Variants in MDGA2 observed in about 807,000 individuals in gnomAD.
MDGA2 encodes MAM domain-containing glycosylphosphatidylinositol anchor protein 2.
Under a neutral mutation model 117.8 loss-of-function variants are expected in MDGA2, and 40 were observed. The ratio of observed to expected loss-of-function variants is 0.34; its 90% CI spans 0.26 to 0.44. The LOEUF (loss-of-function observed/expected upper bound fraction) is 0.44, where lower values mean the gene tolerates loss of function less well. Among genes scored for constraint, MDGA2 ranks in the 20% least tolerant of loss-of-function variants. MDGA2 has a pLI of 1.00. For missense variants in MDGA2, 1,123 were observed against 1,250.6 expected (o/e 0.90, Z 1.54); for synonymous variants, 452 against 439.0 (o/e 1.03, Z -0.37).
Position 47,035,284 on chromosome 14 carries a change from G to C in MDGA2, c.1546C>G (p.Pro516Ala). 1 of 1,613,514 alleles carries C rather than the reference G, an allele frequency of 6.2e-7. No individual in the cohort carries two copies. Among genetic ancestry groups the C allele is most frequent in the East Asian group, 2.2e-5 (1 of 44,854 alleles). The part of the protein sequence containing the change: ...SSTVPPNLTV[P>A]QEKSPLVTRE... Reference sequence around the variant, plus strand: ...GTGACCAATGGTGATTTTTCCTGTGGAACAGTCAGATTGGGTGGAACTTGA... The same window carrying C: ...GTGACCAATGGTGATTTTTCCTGTGCAACAGTCAGATTGGGTGGAACTTGA... The change falls in exon 8 of 17, where the codon CCA (proline) becomes GCA (alanine). Residue 516 changes from proline (P) to alanine (A), a missense_variant. Physicochemically the swap from Pro to Ala is conservative, Grantham distance 27. Transcript: ENST00000399232.
intron 8 of MDGA2, among the ~76,000 whole-genome samples, chr14:47,016,620 T>C (rs573502882): frequency 2.6e-5 from 4 of 152,186 alleles, no homozygotes; most frequent in African/African-American, 9.6e-5. Context: ...CCATCATTAT[T>C]ACTCTACTAA....
At chr14:47,584,178 T>C (rs927697399) in intron 1 of MDGA2, among the ~76,000 whole-genome samples, 3 of 152,024 alleles carry the variant, frequency 2.0e-5, no homozygotes, top group East Asian at 1.9e-4. Flanking sequence ...CACTCACCCA[T>C]TGAACAAGCA....
At chr14:46,909,759 C>A (rs1404119265) in intron 10 of MDGA2, among the ~76,000 whole-genome samples, 1 of 152,034 alleles carries the variant, frequency 6.6e-6, no homozygotes, top group Non-Finnish European at 1.5e-5. Flanking sequence ...ACACATATAT[C>A]TTCAAAATCA....
intron 2 of MDGA2, among the ~76,000 whole-genome samples, chr14:47,250,456 T>TA (rs1350884757): frequency 5.3e-5 from 8 of 152,234 alleles, no homozygotes; most frequent in Non-Finnish European, 1.2e-4. Flanking sequence ...GTCATATGTA[T>TA]AAACGTAATT....
At chr14:46,963,280 A>G (rs1885882464) in intron 8 of MDGA2, among the ~76,000 whole-genome samples, 1 of 152,198 alleles carries the variant, frequency 6.6e-6, no homozygotes, top group East Asian at 1.9e-4. Context: ...TCTCACATGG[A>G]CTACAACAAA....
intron 1 of MDGA2, among the ~76,000 whole-genome samples, chr14:47,516,594 C>T (rs1402192194): frequency 6.6e-6 from 1 of 152,020 alleles, no homozygotes; most frequent in Non-Finnish European, 1.5e-5. Context: ...GTAATCTCAC[C>T]ATCTTTTTAA....
At chr14:47,170,950 G>A (rs1365283825) in intron 3 of MDGA2, among the ~76,000 whole-genome samples, 1 of 152,116 alleles carries the variant, frequency 6.6e-6, no homozygotes, top group Admixed American at 6.5e-5. Context: ...GTGGTTTATA[G>A]AGCATCTTCT....
At chr14:47,016,738 A>C (rs1379269280) in intron 8 of MDGA2, among the ~76,000 whole-genome samples, 1 of 152,014 alleles carries the variant, frequency 6.6e-6, no homozygotes, top group Non-Finnish European at 1.5e-5. Context: ...TTTTAAAGCA[A>C]AGTTTATTAT....
At chr14:47,476,003 A>T (rs930071174) in intron 1 of MDGA2, among the ~76,000 whole-genome samples, 3 of 152,240 alleles carry the variant, frequency 2.0e-5, no homozygotes, top group Non-Finnish European at 4.4e-5. Flanking sequence ...CTGGAACTTA[A>T]AAGTTTAAGA....
At position 46,840,270 on chromosome 14, in the gene MDGA2, T is replaced by C. The variant is rs1880553899; in HGVS notation, c.*1661A>G. On this transcript the variant is annotated 3_prime_UTR_variant, in exon 17 of 17. Transcript: ENST00000399232. ...TGCAAATGCTATAATTTAATACTTA[T>C]ATTCCAATTGCTTGCATAATCAGTT... The C allele has an allele frequency of 1.3e-5, 2 of 152,514 alleles. No individual in the cohort carries two copies. The highest frequency in any genetic ancestry group is 2.1e-4 in the South Asian group (1 of 4,832). The allele number at this position is 152,514 out of a possible 1,614,324, so 9.4% of individuals were successfully genotyped here.
At chr14:47,439,670 C>T (rs940754929) in intron 1 of MDGA2, among the ~76,000 whole-genome samples, 1 of 151,876 alleles carries the variant, frequency 6.6e-6, no homozygotes. Flanking sequence ...GGGATAATGA[C>T]CGACTAAATT....
chr14:47,404,422 G>A (rs916382536), intron 1 of MDGA2, among the ~76,000 whole-genome samples: 3 of 151,816 alleles, frequency 2.0e-5, no homozygotes, highest in African/African-American at 7.3e-5. Context: ...CTGACCTCAA[G>A]TGATCCGCCT....
At chr14:47,007,760 A>G (rs1887762127) in intron 8 of MDGA2, among the ~76,000 whole-genome samples, 1 of 151,742 alleles carries the variant, frequency 6.6e-6, no homozygotes, top group African/African-American at 2.4e-5. Flanking sequence ...CTTGTCCCTC[A>G]ATTATCTGTT....
At chr14:46,931,098 C>T (rs1222586684) in intron 9 of MDGA2, among the ~76,000 whole-genome samples, 1 of 151,334 alleles carries the variant, frequency 6.6e-6, no homozygotes, top group East Asian at 2.0e-4. Flanking sequence ...ACCTGTAATC[C>T]CAGCTACCCA....
intron 7 of MDGA2, among the ~76,000 whole-genome samples, chr14:47,038,792 A>G (rs1566587143): frequency 6.6e-6 from 1 of 151,562 alleles, no homozygotes; most frequent in Admixed American, 6.6e-5. Context: ...AAAAAAAAAA[A>G]TTAGTCGGGC....
chr14:47,232,227 A>G (rs543382116), intron 2 of MDGA2, among the ~76,000 whole-genome samples: 1 of 152,226 alleles, frequency 6.6e-6, no homozygotes, highest in South Asian at 2.1e-4. Flanking sequence ...GGTGCAAATC[A>G]CAGTATACAT....
At chr14:46,909,927 T>C (rs1445884044) in intron 10 of MDGA2, among the ~76,000 whole-genome samples, 1 of 152,144 alleles carries the variant, frequency 6.6e-6, no homozygotes, top group Non-Finnish European at 1.5e-5. Flanking sequence ...TATTAGTACA[T>C]TGCAGATATT....
rs540175620 is a variant in MDGA2, at chr14:47,182,644, T to C, written c.595+35377A>G. Among the ~76,000 whole-genome samples, 147 of 152,324 alleles carry C rather than the reference T, an allele frequency of 9.7e-4. 2 individuals carry two copies. Among genetic ancestry groups the C allele is most frequent in the Admixed American group, 6.3e-3 (96 of 15,290 alleles). ...TTTATACCCAGTCTGCAGTATTGTA[T>C]AGCAGACTGAGCAGACTAAGACAGT... On this transcript the variant is annotated intron_variant, in intron 3 of 16. Transcript: ENST00000399232.
intron 1 of MDGA2, among the ~76,000 whole-genome samples, chr14:47,614,704 A>C (rs555701889): frequency 1.5e-4 from 23 of 152,308 alleles, no homozygotes; most frequent in African/African-American, 5.3e-4. Context: ...ACCTCTACTG[A>C]AGAAAAGGGA....
Sources: allele counts gnomAD v4.1 joint callset (sites outside exome capture counted in the v4.1 genomes callset), GRCh38; gene constraint gnomAD v4.1.1; transcripts MANE v1.5; gene names NCBI Gene and HGNC (gene_info 2026-07-23, HGNC 2026-07-21).